Variants in PCDH15 observed in about 807,000 individuals in gnomAD.
The protein encoded by PCDH15 is protocadherin-15.
A neutral mutation model predicts 178.5 loss-of-function variants in PCDH15; 129 were observed. The observed-to-expected ratio is 0.72, with a 90% CI of 0.63 to 0.84. The LOEUF (loss-of-function observed/expected upper bound fraction) is 0.84. Ranked by LOEUF, PCDH15 falls within the 40% of genes least tolerant of loss-of-function variation. The probability of loss-of-function intolerance (pLI) is 0.00; values close to 1 mark genes in which losing one functional copy is unlikely to be tolerated. For synonymous variants in PCDH15, 800 were observed against 732.0 expected (o/e 1.09, Z -1.50); for missense variants, 2,230 against 2,099.9 (o/e 1.06, Z -1.21).
At chr10:54,413,143 A>G (rs1397723028) in intron 3 of PCDH15, among the ~76,000 whole-genome samples, 2 of 151,420 alleles carry the variant, frequency 1.3e-5, no homozygotes, top group Non-Finnish European at 2.9e-5. Flanking sequence ...TGTTTGTTAA[A>G]TAAATGAATG....
chr10:54,849,977 G>A (rs182274508), intron 3 of PCDH15, among the ~76,000 whole-genome samples: 179 of 152,216 alleles, frequency 1.2e-3, no homozygotes, highest in African/African-American at 4.2e-3. Context: ...TGGTGGGATT[G>A]GGAGAGGTAT....
intron 8 of PCDH15, among the ~76,000 whole-genome samples, chr10:54,305,703 T>C (rs970346216): frequency 6.6e-6 from 1 of 152,048 alleles, no homozygotes. Context: ...ATGAATTATC[T>C]AATTCTTGAG....
chr10:55,586,328 C>A (rs1407000701), intron 2 of PCDH15, among the ~76,000 whole-genome samples: 3 of 151,794 alleles, frequency 2.0e-5, no homozygotes, highest in East Asian at 1.9e-4. Context: ...TAAGTAATTT[C>A]TATTTTAAAT....
intron 21 of PCDH15, among the ~76,000 whole-genome samples, chr10:53,991,329 C>A (rs528588802): frequency 5.9e-5 from 9 of 152,220 alleles, no homozygotes; most frequent in African/African-American, 2.2e-4. Flanking sequence ...ATTGTACATG[C>A]ACCAATCAGC....
At chr10:54,879,936 A>T (rs1954230145) in intron 3 of PCDH15, among the ~76,000 whole-genome samples, 1 of 152,056 alleles carries the variant, frequency 6.6e-6, no homozygotes, top group African/African-American at 2.4e-5. Flanking sequence ...TTCAAATCTC[A>T]TTAAAAGTAA....
chr10:53,909,337 C>T (rs1250587761), intron 25 of PCDH15, among the ~76,000 whole-genome samples: 1 of 152,138 alleles, frequency 6.6e-6, no homozygotes, highest in Admixed American at 6.5e-5. Flanking sequence ...ATTACCCAGT[C>T]TCGGTTATTT....
chr10:54,660,271 A>G (rs1235672822), intron 2 of PCDH15, among the ~76,000 whole-genome samples: 2 of 152,174 alleles, frequency 1.3e-5, no homozygotes, highest in Non-Finnish European at 2.9e-5. Context: ...TACCACAGAA[A>G]TACAAAATAT....
intron 2 of PCDH15, among the ~76,000 whole-genome samples, chr10:55,617,322 A>G (rs1843499354): frequency 6.6e-6 from 1 of 152,104 alleles, no homozygotes; most frequent in Non-Finnish European, 1.5e-5. Context: ...CAGAATGCTC[A>G]CATTAGTAAT....
chr10:54,892,627 A>C (rs1050436230), intron 3 of PCDH15, among the ~76,000 whole-genome samples: 1 of 151,866 alleles, frequency 6.6e-6, no homozygotes, highest in East Asian at 1.9e-4. Flanking sequence ...ATAATTAAAC[A>C]AACAACATTG....
chr10:54,253,307 G>A (rs563188636), intron 8 of PCDH15, among the ~76,000 whole-genome samples: 1 of 151,760 alleles, frequency 6.6e-6, no homozygotes, highest in African/African-American at 2.4e-5. Flanking sequence ...CAGTTTTTTT[G>A]GGTATATTCT....
At position 53,875,316 on chromosome 10, in the gene PCDH15, G is replaced by C. The variant is rs1427113725; in HGVS notation, c.3502-8459C>G. ...TCTTAATATTTTGGGAAAATTCATA[G>C]AGATATTTTAGTAATGGCATAAATA... On this transcript the variant is annotated intron_variant, in intron 26 of 37. Coordinates refer to ENST00000644397, the MANE Select transcript of PCDH15 (RefSeq NM_001384140.1). Among the ~76,000 whole-genome samples the C allele has an allele frequency of 2.1e-5, 3 of 143,602 alleles. No homozygotes were observed. In the East Asian group the frequency reaches 6.2e-4, roughly 30 times the overall value. 94.2% of individuals were successfully genotyped at this position (143,602 alleles called of 152,430 possible).
At chr10:55,107,979 C>T (rs1428658774) in intron 2 of PCDH15, among the ~76,000 whole-genome samples, 1 of 152,066 alleles carries the variant, frequency 6.6e-6, no homozygotes, top group Non-Finnish European at 1.5e-5. Flanking sequence ...ATTTGGAAGG[C>T]AATTGGGTTT....
intron 2 of PCDH15, among the ~76,000 whole-genome samples, chr10:55,149,617 G>A (rs1838641779): frequency 6.6e-6 from 1 of 152,006 alleles, no homozygotes; most frequent in African/African-American, 2.4e-5. Context: ...TTCATATACT[G>A]AAGGTTCCCA....
intron 1 of PCDH15, among the ~76,000 whole-genome samples, chr10:54,745,179 G>A (rs1945293868): frequency 6.6e-6 from 1 of 152,092 alleles, no homozygotes; most frequent in African/African-American, 2.4e-5. Flanking sequence ...GGTTGTGGCA[G>A]ATAATAAAAA....
chr10:54,651,739 A>G (rs2094265331), intron 2 of PCDH15, among the ~76,000 whole-genome samples: 1 of 152,210 alleles, frequency 6.6e-6, no homozygotes, highest in African/African-American at 2.4e-5. Context: ...AATTTCACAT[A>G]GATTTTTGTT....
intron 3 of PCDH15, among the ~76,000 whole-genome samples, chr10:54,466,060 C>A (rs888535540): frequency 6.6e-6 from 1 of 151,684 alleles, no homozygotes; most frequent in African/African-American, 2.4e-5. Context: ...ATGTCTAGTG[C>A]CCATTTTAAC....
In PCDH15 at chr10:55,605,124, G is replaced by A. The variant is rs920408865; in HGVS notation, c.-156+22501C>T. ...CAGAGAATACTACAAACACCTCTACGCAAATAAACTAGAAAATCTACAAGA... is the reference window on the plus strand; with the variant it reads ...CAGAGAATACTACAAACACCTCTACACAAATAAACTAGAAAATCTACAAGA... On this transcript the variant is annotated intron_variant, in intron 2 of 5. Transcript: ENST00000613346. Among the ~76,000 whole-genome samples, 704 of 151,034 alleles carry A rather than the reference G, an allele frequency of 4.7e-3. 5 individuals are homozygous for A. The highest frequency in any genetic ancestry group is 0.016 in the African/African-American group (659 of 41,292).
chr10:53,995,552 C>G (rs974421285), intron 21 of PCDH15, 97 bp downstream of exon 21: 1 of 1,607,438 alleles, frequency 6.2e-7, no homozygotes, highest in Non-Finnish European at 8.5e-7. Context: ...GTGAAATTTA[C>G]AGAGACTACT....
At chr10:54,214,753 G>A (rs1242204113) in intron 9 of PCDH15, among the ~76,000 whole-genome samples, 2 of 152,018 alleles carry the variant, frequency 1.3e-5, no homozygotes, top group Non-Finnish European at 2.9e-5. Flanking sequence ...ACCATGCCTG[G>A]CTATTTTTTG....
Sources: gnomAD v4.1 joint callset for allele counts (sites outside exome capture counted in the v4.1 genomes callset) on GRCh38, gnomAD v4.1.1 for gene constraint, MANE v1.5 for transcripts, NCBI Gene and HGNC (gene_info 2026-07-23, HGNC 2026-07-21) for gene names.